The following SGCD variants were observed in gnomAD, a reference collection of about 807,000 sequenced individuals.
The protein encoded by SGCD is sarcoglycan delta.
SGCD carries 18 observed loss-of-function variants against 36.6 expected under a neutral mutation model. The ratio of observed to expected loss-of-function variants is 0.49; its 90% CI spans 0.34 to 0.73. SGCD has a LOEUF of 0.73. SGCD is among the 30% of genes least tolerant of loss of function. SGCD has a pLI of 0.01. For synonymous variants in SGCD, 133 were observed against 130.6 expected (o/e 1.02, Z -0.12); for missense variants, 387 against 346.7 (o/e 1.12, Z -0.92).
At chr5:156,422,100 A>G (rs1034409537) in intron 3 of SGCD, among the ~76,000 whole-genome samples, 6 of 152,016 alleles carry the variant, frequency 3.9e-5, no homozygotes, top group African/African-American at 1.2e-4. Flanking sequence ...TCATATCTTG[A>G]TCTTATCATT....
At chr5:156,592,248 A>G (rs1233766697) in intron 5 of SGCD, among the ~76,000 whole-genome samples, 1 of 152,128 alleles carries the variant, frequency 6.6e-6, no homozygotes, top group Non-Finnish European at 1.5e-5. Context: ...GAATGGAACA[A>G]AAATGGGCAA....
chr5:156,756,790 A>C (rs1023883991), intron 7 of SGCD, among the ~76,000 whole-genome samples: 1 of 152,144 alleles, frequency 6.6e-6, no homozygotes, highest in Non-Finnish European at 1.5e-5. Context: ...AAGTTCCGTC[A>C]CACAAAACAT....
At chr5:156,261,632 A>C (rs1249087527) in intron 3 of SGCD, among the ~76,000 whole-genome samples, 1 of 152,188 alleles carries the variant, frequency 6.6e-6, no homozygotes, top group African/African-American at 2.4e-5. Context: ...ATTTATATAT[A>C]AAAAAGTTAA....
intron 3 of SGCD, among the ~76,000 whole-genome samples, chr5:156,263,206 C>G (rs1328573866): frequency 6.6e-6 from 1 of 152,034 alleles, no homozygotes; most frequent in Non-Finnish European, 1.5e-5. Flanking sequence ...AGTGGTTGTA[C>G]TAGTTTACCT....
intron 1 of SGCD, among the ~76,000 whole-genome samples, chr5:155,909,821 T>A (rs1284400211): frequency 1.3e-5 from 2 of 151,864 alleles, no homozygotes; most frequent in Non-Finnish European, 2.9e-5. Flanking sequence ...GAAGACCAAT[T>A]TTTTTTTTCA....
At chr5:156,080,871 A>C (rs1451154710) in intron 1 of SGCD, among the ~76,000 whole-genome samples, 1 of 152,128 alleles carries the variant, frequency 6.6e-6, no homozygotes, top group African/African-American at 2.4e-5. Context: ...GAGTCCCCCA[A>C]ACTCTTTCAA....
At chr5:155,805,680 A>T in the SGCD span, among the ~76,000 whole-genome samples, 1 of 152,212 alleles carries the variant, frequency 6.6e-6, no homozygotes, top group Non-Finnish European at 1.5e-5. Flanking sequence ...TCTGTTGTAG[A>T]GGAAGTGTTG....
chr5:156,084,690 T>C (rs1761052170), intron 1 of SGCD, among the ~76,000 whole-genome samples: 1 of 152,244 alleles, frequency 6.6e-6, no homozygotes, highest in Non-Finnish European at 1.5e-5. Context: ...CTCTTTATTT[T>C]ACTTGCCTTG....
chr5:155,930,172 C>T (rs1273334844), intron 1 of SGCD, among the ~76,000 whole-genome samples: 1 of 152,176 alleles, frequency 6.6e-6, no homozygotes, highest in Non-Finnish European at 1.5e-5. Context: ...TTTCATTTCT[C>T]TATTCATCAT....
rs150929203 is a variant in SGCD, at chr5:156,698,840, T to TACACACACAC, written c.575+51336_575+51345dup. Reference sequence around the variant, plus strand: ...TTATATTTTGAAAACTAAATTAAAATACACACACACACACACACACACACA... The same window carrying TACACACACAC: ...TTATATTTTGAAAACTAAATTAAAATACACACACACACACACACACACACACACACACACA... On this transcript the variant is annotated intron_variant, in intron 7 of 8. Transcript: ENST00000337851. Among the ~76,000 whole-genome samples, 1,057 of 140,056 alleles carry TACACACACAC rather than the reference T, an allele frequency of 7.5e-3. 8 individuals are homozygous for TACACACACAC. Among genetic ancestry groups the TACACACACAC allele is most frequent in the Non-Finnish European group, 9.1e-3 (584 of 64,104 alleles). 91.9% of individuals were successfully genotyped at this position (140,056 alleles called of 152,430 possible). A position where few individuals can be genotyped will look rare whatever the true frequency, so the allele number is the denominator to read the frequency against.
intron 1 of SGCD, among the ~76,000 whole-genome samples, chr5:156,083,097 C>A (rs1417571645): frequency 6.6e-6 from 1 of 151,864 alleles, no homozygotes; most frequent in Admixed American, 6.6e-5. Context: ...TGTCTTTTGC[C>A]CATTCTCTAA....
At chr5:156,708,756 G>C (rs1400989713) in intron 7 of SGCD, among the ~76,000 whole-genome samples, 1 of 152,166 alleles carries the variant, frequency 6.6e-6, no homozygotes, top group African/African-American at 2.4e-5. Flanking sequence ...GTGTGTGAGA[G>C]AGGGACCTCA....
At chr5:156,337,919 A>G (rs1399695349) in intron 2 of SGCD, among the ~76,000 whole-genome samples, 1 of 152,192 alleles carries the variant, frequency 6.6e-6, no homozygotes, top group Non-Finnish European at 1.5e-5. Flanking sequence ...CTGACAGTGC[A>G]TAACTGAACA....
chr5:156,689,337 T>A (rs73302819), intron 7 of SGCD, among the ~76,000 whole-genome samples: 4,151 of 152,262 alleles, frequency 0.027, 191 homozygotes, highest in African/African-American at 0.095. Context: ...ACACACATTT[T>A]TGGATAGCCT....
intron 3 of SGCD, among the ~76,000 whole-genome samples, chr5:156,311,338 C>T (rs1336198694): frequency 6.6e-6 from 1 of 152,008 alleles, no homozygotes; most frequent in African/African-American, 2.4e-5. Flanking sequence ...TTATTGACCC[C>T]GAACAGGAGT....
At chr5:155,879,576 T>C (rs1755837512) in intron 1 of SGCD, among the ~76,000 whole-genome samples, 4 of 152,156 alleles carry the variant, frequency 2.6e-5, no homozygotes, top group Admixed American at 2.0e-4. Context: ...TTCAGGCTTC[T>C]AAAAAGCCTA....
At chr5:155,789,046 G>A in the SGCD span, among the ~76,000 whole-genome samples, 83 of 152,178 alleles carry the variant, frequency 5.5e-4, no homozygotes, top group Admixed American at 1.3e-3. Flanking sequence ...AGATATATAA[G>A]GATACAAGTA....
chr5:155,825,368 G>A, the SGCD span, among the ~76,000 whole-genome samples: 1 of 152,176 alleles, frequency 6.6e-6, no homozygotes, highest in Non-Finnish European at 1.5e-5. Context: ...TAAAAATAGA[G>A]GAAAGACTAG....
chr5:156,354,709 ACT>A (rs1179430417), intron 3 of SGCD, among the ~76,000 whole-genome samples: 2 of 152,124 alleles, frequency 1.3e-5, no homozygotes, highest in African/African-American at 2.4e-5. Flanking sequence ...GCTCTGAATA[ACT>A]CTCAGAAATC....
Sources: allele counts gnomAD v4.1 joint callset (sites outside exome capture counted in the v4.1 genomes callset), GRCh38; gene constraint gnomAD v4.1.1; transcripts MANE v1.5; gene names NCBI Gene and HGNC (gene_info 2026-07-23, HGNC 2026-07-21).